The following CNTNAP5 variants were observed in gnomAD, a reference collection of about 807,000 sequenced individuals.
The protein encoded by CNTNAP5 is contactin-associated protein-like 5.
CNTNAP5 carries 72 observed loss-of-function variants against 150.2 expected under a neutral mutation model. The observed-to-expected ratio is 0.48, with a 90% CI of 0.40 to 0.58. The LOEUF is 0.58. CNTNAP5 is among the 20% of genes least tolerant of loss of function. The probability of loss-of-function intolerance (pLI) is 0.00; values close to 1 mark genes in which losing one functional copy is unlikely to be tolerated. For missense variants in CNTNAP5, 1,636 were observed against 1,626.2 expected (o/e 1.01, Z -0.10); for synonymous variants, 672 against 619.8 (o/e 1.08, Z -1.25).
At chr2:124,312,664 G>T (rs1191733848) in intron 3 of CNTNAP5, among the ~76,000 whole-genome samples, 1 of 152,218 alleles carries the variant, frequency 6.6e-6, no homozygotes, top group Non-Finnish European at 1.5e-5. Context: ...TCCGCCTCCT[G>T]GGTTCGCACC....
intron 19 of CNTNAP5, among the ~76,000 whole-genome samples, chr2:124,820,811 T>C (rs970214211): frequency 5.3e-5 from 8 of 152,274 alleles, no homozygotes; most frequent in Non-Finnish European, 1.2e-4. Flanking sequence ...AATAATATTA[T>C]ATGCCACTTA....
chr2:124,090,073 A>C (rs1461116184), intron 1 of CNTNAP5, among the ~76,000 whole-genome samples: 1 of 151,928 alleles, frequency 6.6e-6, no homozygotes, highest in Non-Finnish European at 1.5e-5. Context: ...ACCTCAAGAG[A>C]CAATATTGAG....
At chr2:124,621,710 C>G (rs1677617604) in intron 12 of CNTNAP5, among the ~76,000 whole-genome samples, 1 of 152,144 alleles carries the variant, frequency 6.6e-6, no homozygotes, top group Non-Finnish European at 1.5e-5. Context: ...AGTGAATTTA[C>G]CTGTGGGCTG....
At chr2:124,733,535 G>A (rs1025183017) in intron 13 of CNTNAP5, among the ~76,000 whole-genome samples, 3 of 151,780 alleles carry the variant, frequency 2.0e-5, no homozygotes, top group African/African-American at 7.3e-5. Context: ...CAAACTAAAC[G>A]AACAAGATTT....
At chr2:124,079,690 TG>T (rs911919164) in intron 1 of CNTNAP5, among the ~76,000 whole-genome samples, 1 of 152,170 alleles carries the variant, frequency 6.6e-6, no homozygotes, top group Non-Finnish European at 1.5e-5. Context: ...TGTTTATTCA[TG>T]TGTATGTGCG....
intron 1 of CNTNAP5, among the ~76,000 whole-genome samples, chr2:124,057,164 G>A (rs1261471474): frequency 6.6e-6 from 1 of 151,972 alleles, no homozygotes; most frequent in African/African-American, 2.4e-5. Flanking sequence ...ACCCAATTAA[G>A]CCCATTCATT....
chr2:124,484,468 G>A (rs1365431624), intron 7 of CNTNAP5, among the ~76,000 whole-genome samples: 1 of 152,172 alleles, frequency 6.6e-6, no homozygotes, highest in Non-Finnish European at 1.5e-5. Flanking sequence ...TTTAGATAAA[G>A]TTTTTTAAGC....
At chr2:124,124,391 C>T (rs1438431291) in intron 1 of CNTNAP5, among the ~76,000 whole-genome samples, 1 of 152,130 alleles carries the variant, frequency 6.6e-6, no homozygotes, top group Non-Finnish European at 1.5e-5. Context: ...TGAACAAAGC[C>T]TCCAAGAAAT....
rs371572291 is a variant in CNTNAP5 at position 124,806,951 on chromosome 2, G to A, written c.3217+8631G>A. On this transcript the variant is annotated intron_variant, in intron 19 of 23. Coordinates refer to ENST00000682447, the MANE Select transcript of CNTNAP5 (RefSeq NM_001367498.1). ...TTTTTAAGCCAGGGATAAAGAAAAT[G>A]GGAGATTGAATGTTTAGCTTTTGGA... 2.5e-4 allele frequency among the ~76,000 whole-genome samples: 38 copies of A among 150,498 alleles called. No homozygotes were observed. The East Asian group carries it at 4.5e-3, about 18-fold the overall frequency.
intron 17 of CNTNAP5, among the ~76,000 whole-genome samples, chr2:124,787,806 G>T (rs904708750): frequency 6.6e-6 from 1 of 152,086 alleles, no homozygotes; most frequent in Non-Finnish European, 1.5e-5. Context: ...TCTATTCCCT[G>T]TCTAAGATTA....
At chr2:124,312,345 A>ATTTTTAT (rs1251995627) in intron 3 of CNTNAP5, among the ~76,000 whole-genome samples, 1 of 151,858 alleles carries the variant, frequency 6.6e-6, no homozygotes, top group Non-Finnish European at 1.5e-5. Flanking sequence ...TTCTTTTTTT[A>ATTTTTAT]TTTTTATTTT....
intron 21 of CNTNAP5, among the ~76,000 whole-genome samples, chr2:124,902,355 A>C (rs901448337): frequency 6.6e-6 from 1 of 152,172 alleles, no homozygotes; most frequent in Admixed American, 6.5e-5. Context: ...ATAGAAGGTC[A>C]GTCTACACAG....
At chr2:124,443,637 GT>G (rs1692729808) in intron 5 of CNTNAP5, among the ~76,000 whole-genome samples, 3 of 151,988 alleles carry the variant, frequency 2.0e-5, no homozygotes, top group Admixed American at 1.3e-4. Flanking sequence ...AATAAAATCA[GT>G]TTGACTGATT....
At chr2:124,358,256 C>A (rs369062645) in intron 3 of CNTNAP5, among the ~76,000 whole-genome samples, 6,722 of 151,720 alleles carry the variant, frequency 0.044, 216 homozygotes, top group Non-Finnish European at 0.07. Flanking sequence ...CAAACAGGGA[C>A]AATTTGACTT....
intron 10 of CNTNAP5, among the ~76,000 whole-genome samples, chr2:124,530,373 A>G (rs1458285487): frequency 1.3e-5 from 2 of 152,158 alleles, no homozygotes; most frequent in Admixed American, 6.6e-5. Flanking sequence ...TGAGGCACAA[A>G]TGTTCCAAAA....
intron 7 of CNTNAP5, among the ~76,000 whole-genome samples, chr2:124,480,490 A>C (rs1484701031): frequency 6.6e-6 from 1 of 152,144 alleles, no homozygotes; most frequent in Non-Finnish European, 1.5e-5. Context: ...TGGACATGAG[A>C]GCACACACAC....
At chr2:124,903,393 C>T (rs979633914) in intron 22 of CNTNAP5, among the ~76,000 whole-genome samples, 1 of 151,984 alleles carries the variant, frequency 6.6e-6, no homozygotes, top group African/African-American at 2.4e-5. Flanking sequence ...TACATAGTCA[C>T]TACTGTTGAA....
At chr2:124,045,919 G>A (rs1444307626) in intron 1 of CNTNAP5, among the ~76,000 whole-genome samples, 1 of 152,120 alleles carries the variant, frequency 6.6e-6, no homozygotes, top group Non-Finnish European at 1.5e-5. Flanking sequence ...TGAATCCCCT[G>A]AAATTGTGCA....
At chr2:124,646,876 G>A (rs1414932965) in intron 12 of CNTNAP5, among the ~76,000 whole-genome samples, 3 of 152,198 alleles carry the variant, frequency 2.0e-5, no homozygotes, top group African/African-American at 7.2e-5. Context: ...GGGAGGCTGA[G>A]GTGGGAGAAT....
Sources: gnomAD v4.1 joint callset for allele counts (sites outside exome capture counted in the v4.1 genomes callset) on GRCh38, gnomAD v4.1.1 for gene constraint, MANE v1.5 for transcripts, NCBI Gene and HGNC (gene_info 2026-07-23, HGNC 2026-07-21) for gene names.